Variants in ZFAND3 observed in about 807,000 individuals in gnomAD.
ZFAND3 encodes the protein AN1-type zinc finger protein 3.
In ZFAND3, 10 loss-of-function variants were observed where a neutral mutation model predicts 29.6. The ratio of observed to expected loss-of-function variants is 0.34; its 90% CI spans 0.21 to 0.57. The LOEUF is 0.57. Among genes scored for constraint, ZFAND3 ranks in the 20% least tolerant of loss-of-function variants. The pLI is 0.86. For synonymous variants in ZFAND3, 128 were observed against 112.6 expected, an observed-to-expected ratio of 1.14 and a Z score of -0.87; for missense variants, 230 against 304.5, an observed-to-expected ratio of 0.76 and a Z score of 1.82.
At chr6:38,013,419 G>A (rs1397680144) in intron 2 of ZFAND3, among the ~76,000 whole-genome samples, 2 of 152,116 alleles carry the variant, frequency 1.3e-5, no homozygotes, top group Admixed American at 6.5e-5. Flanking sequence ...TCTTATTCAT[G>A]TTGACATATG....
At chr6:38,053,018 C>T (rs746927426) in intron 2 of ZFAND3, among the ~76,000 whole-genome samples, 3 of 145,644 alleles carry the variant, frequency 2.1e-5, no homozygotes, top group Non-Finnish European at 4.5e-5. Flanking sequence ...TGGGCGACAG[C>T]GCAAGACTCC....
At chr6:38,043,352 G>A (rs1038509365) in intron 2 of ZFAND3, among the ~76,000 whole-genome samples, 6 of 150,300 alleles carry the variant, frequency 4.0e-5, no homozygotes, top group South Asian at 2.1e-4. Context: ...AAAAGAACTC[G>A]TAGTAGATTT....
chr6:37,937,674 GGC>G (rs1561940223), intron 2 of ZFAND3, among the ~76,000 whole-genome samples: 10 of 129,968 alleles, frequency 7.7e-5, no homozygotes, highest in East Asian at 4.8e-4. Context: ...AAAAAAAAAA[GGC>G]AAAAAAAGTA....
chr6:38,144,208 TATAATATATAATATATATATATA>T lies in ZFAND3; in HGVS notation c.530-8026_530-8004del, dbSNP rs1562016051. On this transcript the variant is annotated intron_variant, in intron 5 of 5. Coordinates refer to ENST00000287218, the MANE Select transcript of ZFAND3 (RefSeq NM_021943.3). ...TAATATATATATATATATATATATATATAATATATAATATATATATATATTTTTTTTTTAATAAGGTTGCTTGA... is the reference window on the plus strand; with the variant it reads ...TAATATATATATATATATATATATATTTTTTTTTTTAATAAGGTTGCTTGA... Among the ~76,000 whole-genome samples the T allele has an allele frequency of 3.7e-4, 16 of 43,482 alleles. 1 individual carries two copies. The highest frequency in any genetic ancestry group is 9.5e-4 in the African/African-American group (7 of 7,358). The allele number at this position is 43,482 out of a possible 152,430, so 28.5% of individuals were successfully genotyped here.
chr6:37,820,466 C>T (rs1251698338), intron 1 of ZFAND3, among the ~76,000 whole-genome samples: 13 of 152,356 alleles, frequency 8.5e-5, no homozygotes, highest in East Asian at 5.8e-4. Flanking sequence ...TCCTCCCCGT[C>T]CTCCGGAGAC....
chr6:38,011,761 A>G (rs1290505230), intron 2 of ZFAND3, among the ~76,000 whole-genome samples: 1 of 152,122 alleles, frequency 6.6e-6, no homozygotes, highest in African/African-American at 2.4e-5. Context: ...CCAGAACTCT[A>G]TTACACTTAA....
At position 38,035,255 on chromosome 6, in the gene ZFAND3, C is replaced by T. The variant is rs147957944; in HGVS notation, c.113-26338C>T. On this transcript the variant is annotated intron_variant, in intron 2 of 5. Coordinates refer to ENST00000287218, the MANE Select transcript of ZFAND3 (RefSeq NM_021943.3). ...GAAAATATCTTCACATGTGACATCCCGAATCTTCTATTATGTTTCTTTACT... is the reference window on the plus strand; with the variant it reads ...GAAAATATCTTCACATGTGACATCCTGAATCTTCTATTATGTTTCTTTACT... 8.7e-3 allele frequency among the ~76,000 whole-genome samples: 1,316 copies of T among 152,018 alleles called. 17 individuals are homozygous for T. The highest frequency in any genetic ancestry group is 0.03 in the African/African-American group (1,239 of 41,458).
intron 1 of ZFAND3, among the ~76,000 whole-genome samples, chr6:37,917,786 G>A (rs771780009): frequency 6.6e-6 from 1 of 152,106 alleles, no homozygotes; most frequent in Non-Finnish European, 1.5e-5. Context: ...TAGTTTCGTC[G>A]TAGGTGTGGT....
rs1342287420 is a variant in ZFAND3 at position 37,886,311 on chromosome 6, G to GTC, written c.72-43648_72-43647insTC. On this transcript the variant is annotated intron_variant, in intron 1 of 5. Coordinates refer to ENST00000287218, the MANE Select transcript of ZFAND3 (RefSeq NM_021943.3). ...AAAGAATATGCTGTTACTCAACCTTGATTACTACAACCAACCTTAATGACA... is the reference window on the plus strand; with the variant it reads ...AAAGAATATGCTGTTACTCAACCTTGTCATTACTACAACCAACCTTAATGACA... Among the ~76,000 whole-genome samples, 115 of 139,130 alleles carry GTC rather than the reference G, an allele frequency of 8.3e-4. 1 individual carries two copies. Among genetic ancestry groups the GTC allele is most frequent in the African/African-American group, 2.3e-3 (86 of 37,562 alleles). 91.3% of individuals were successfully genotyped at this position (139,130 alleles called of 152,430 possible).
At chr6:37,854,964 GTTTTTTTTTT>G (rs34283914) in intron 1 of ZFAND3, among the ~76,000 whole-genome samples, 4 of 78,938 alleles carry the variant, frequency 5.1e-5, no homozygotes, top group South Asian at 5.0e-4. Flanking sequence ...AATAATAGGT[GTTTTTTTTTT>G]TTTTTTTTTT....
intron 2 of ZFAND3, among the ~76,000 whole-genome samples, chr6:38,006,064 T>G (rs1225790646): frequency 6.6e-6 from 1 of 152,248 alleles, no homozygotes; most frequent in East Asian, 1.9e-4. Context: ...TCTCTGAGAC[T>G]TACATTGAAG....
At chr6:37,832,953 A>T (rs1293114710) in intron 1 of ZFAND3, 1 of 152,132 alleles carries the variant, frequency 6.6e-6, no homozygotes. Flanking sequence ...CTCCCAAAAC[A>T]TTGGGACGGG....
intron 2 of ZFAND3, among the ~76,000 whole-genome samples, chr6:37,987,757 C>A (rs572451467): frequency 5.6e-4 from 86 of 152,288 alleles, no homozygotes; most frequent in East Asian, 1.9e-3. Flanking sequence ...GCCAGATACT[C>A]AGGTTGGGGT....
At chr6:38,072,976 A>G (rs990635082) in intron 3 of ZFAND3, among the ~76,000 whole-genome samples, 4 of 152,344 alleles carry the variant, frequency 2.6e-5, no homozygotes, top group Non-Finnish European at 4.4e-5. Context: ...ATTAGTTGCA[A>G]AGAGAGATCC....
At chr6:37,958,103 C>T (rs1561946775) in intron 2 of ZFAND3, among the ~76,000 whole-genome samples, 1 of 151,956 alleles carries the variant, frequency 6.6e-6, no homozygotes, top group Non-Finnish European at 1.5e-5. Context: ...TGTCTTTATT[C>T]TTTAGTGGTG....
At chr6:38,122,763 C>G (rs781371578) in intron 5 of ZFAND3, among the ~76,000 whole-genome samples, 22 of 152,154 alleles carry the variant, frequency 1.4e-4, no homozygotes, top group Non-Finnish European at 3.1e-4. Flanking sequence ...AAGCATTTAT[C>G]AAGGTATAGG....
In ZFAND3 at chr6:37,967,204, A is replaced by G. The variant is rs189344063; in HGVS notation, c.112+37205A>G. On this transcript the variant is annotated intron_variant, in intron 2 of 5. Coordinates refer to ENST00000287218, the MANE Select transcript of ZFAND3 (RefSeq NM_021943.3). ...TCCATCTTTGTGACACTGTTTACTC[A>G]TTTAATTTGTATCTACTTATACTCA... Among the ~76,000 whole-genome samples, 1,035 of 152,300 alleles carry G rather than the reference A, an allele frequency of 6.8e-3. 11 individuals carry two copies. Among genetic ancestry groups the G allele is most frequent in the Non-Finnish European group, 0.012 (811 of 68,028 alleles).
intron 1 of ZFAND3, among the ~76,000 whole-genome samples, 196 bp from the exon 2 acceptor site, chr6:37,929,763 G>GTTT (rs549276947): frequency 1.4e-5 from 2 of 146,042 alleles, no homozygotes; most frequent in African/African-American, 5.0e-5. Context: ...TTATATTTTT[G>GTTT]TTTTTTTTTT....
intron 1 of ZFAND3, among the ~76,000 whole-genome samples, chr6:37,878,209 C>T (rs1466202247): frequency 1.3e-5 from 2 of 152,194 alleles, no homozygotes; most frequent in South Asian, 2.1e-4. Flanking sequence ...CAGTCATTAG[C>T]TCAGCTTGAG....
Sources: gnomAD v4.1 joint callset for allele counts (sites outside exome capture counted in the v4.1 genomes callset) on GRCh38, gnomAD v4.1.1 for gene constraint, MANE v1.5 for transcripts, NCBI Gene and HGNC (gene_info 2026-07-23, HGNC 2026-07-21) for gene names.